Variants in MYRFL observed in about 807,000 individuals in gnomAD.
MYRFL encodes myelin regulatory factor like.
MYRFL carries 88 observed loss-of-function variants against 109.4 expected under a neutral mutation model. That is an observed-to-expected ratio of 0.80 (90% CI 0.68 to 0.96). The LOEUF is 0.96. MYRFL is among the 40% of genes least tolerant of loss of function. MYRFL has a pLI of 0.00. For missense variants in MYRFL, 957 were observed against 954.9 expected, an observed-to-expected ratio of 1.00 and a Z score of -0.03; for synonymous variants, 324 against 320.9, an observed-to-expected ratio of 1.01 and a Z score of -0.10.
At chr12:69,872,681 A>G (rs940143844) in intron 2 of MYRFL, among the ~76,000 whole-genome samples, 1 of 151,668 alleles carries the variant, frequency 6.6e-6, no homozygotes, top group Non-Finnish European at 1.5e-5. Context: ...TTGTATTTTT[A>G]GTAGAGATGG....
intron 7 of MYRFL, among the ~76,000 whole-genome samples, chr12:69,892,855 C>T (rs1592770600): frequency 6.6e-6 from 1 of 152,108 alleles, no homozygotes. Context: ...CCTATTTTTT[C>T]TCTTTTCTTC....
At chr12:69,908,157 T>G (rs1475289236) in intron 11 of MYRFL, among the ~76,000 whole-genome samples, 1 of 152,230 alleles carries the variant, frequency 6.6e-6, no homozygotes, top group Non-Finnish European at 1.5e-5. Flanking sequence ...ATCAATGTAT[T>G]TAACAATTAT....
intron 13 of MYRFL, among the ~76,000 whole-genome samples, chr12:69,922,436 T>A (rs1407378727): frequency 1.3e-5 from 2 of 152,086 alleles, no homozygotes; most frequent in East Asian, 3.9e-4. Flanking sequence ...TTTTGTGATT[T>A]AAAAAAACAC....
intron 11 of MYRFL, among the ~76,000 whole-genome samples, chr12:69,905,178 T>C (rs940850999): frequency 3.9e-5 from 6 of 152,220 alleles, no homozygotes. Context: ...ATCCTTGCAA[T>C]TGGCTATACA....
At chr12:69,924,963 C>CT in intron 13 of MYRFL, among the ~76,000 whole-genome samples, 1 of 152,268 alleles carries the variant, frequency 6.6e-6, no homozygotes, top group South Asian at 2.1e-4. Context: ...AAGGCATGTG[C>CT]TAAATGCTGG....
intron 1 of MYRFL, among the ~76,000 whole-genome samples, chr12:69,832,944 TTGTGTGTGTGTGTGTGTGTGTG>T (rs57702116): frequency 2.1e-5 from 3 of 143,718 alleles, no homozygotes; most frequent in Admixed American, 6.9e-5. Context: ...AGGAACAGGC[TTGTGTGTGTGTGTGTGTGTGTG>T]TGTGTGTGTG....
At chr12:69,875,179 C>T (rs2136330557) in intron 2 of MYRFL, among the ~76,000 whole-genome samples, 1 of 148,600 alleles carries the variant, frequency 6.7e-6, no homozygotes, top group South Asian at 2.1e-4. Context: ...CTCTTTTTCT[C>T]TCTCTTTTTT....
intron 19 of MYRFL, among the ~76,000 whole-genome samples, chr12:69,945,739 G>A (rs1251423091): frequency 6.6e-6 from 1 of 151,892 alleles, no homozygotes; most frequent in Non-Finnish European, 1.5e-5. Context: ...TGTAATCCCA[G>A]CACTTTGGGA....
At chr12:69,936,940 A>AT (rs554027541) in intron 19 of MYRFL, among the ~76,000 whole-genome samples, 298 of 152,268 alleles carry the variant, frequency 2.0e-3, no homozygotes, top group Non-Finnish European at 3.4e-3. Flanking sequence ...ACGTGGGTGG[A>AT]TTTTTTGGGC....
rs7961174 is a variant in MYRFL at position 69,919,260 on chromosome 12, A to C, written c.1603-7311A>C. On this transcript the variant is annotated intron_variant, in intron 13 of 24. Coordinates refer to ENST00000552032, the MANE Select transcript of MYRFL (RefSeq NM_182530.3). Reference sequence around the variant, plus strand: ...TCTTGGTAAGACAAGAAATCATAGAATTACAACAAACTATGGCATTTGCTA... The same window carrying C: ...TCTTGGTAAGACAAGAAATCATAGACTTACAACAAACTATGGCATTTGCTA... Among the ~76,000 whole-genome samples, 1,472 of 152,350 alleles carry C rather than the reference A, an allele frequency of 9.7e-3. 29 individuals are homozygous for C. Among genetic ancestry groups the C allele is most frequent in the African/African-American group, 0.033 (1,390 of 41,586 alleles).
chr12:69,863,527 C>T (rs1197102759), intron 2 of MYRFL, among the ~76,000 whole-genome samples: 1 of 152,140 alleles, frequency 6.6e-6, no homozygotes, highest in Non-Finnish European at 1.5e-5. Context: ...GATATTTTAC[C>T]ACTTCACATG....
chr12:69,857,518 A>G (rs1884371648), intron 2 of MYRFL, among the ~76,000 whole-genome samples: 2 of 151,986 alleles, frequency 1.3e-5, no homozygotes, highest in East Asian at 1.9e-4. Context: ...CTTCCAATCT[A>G]TGAACATGGT....
Position 69,829,957 on chromosome 12 carries a change from C to T in MYRFL, c.46+4394C>T, listed in dbSNP as rs539713088. Among the ~76,000 whole-genome samples, 15 of 151,838 alleles carry T rather than the reference C, an allele frequency of 9.9e-5. No homozygotes were observed. In the South Asian group the frequency reaches 3.1e-3, roughly 32 times the overall value. On this transcript the variant is annotated intron_variant, in intron 1 of 24. Coordinates refer to ENST00000552032, the MANE Select transcript of MYRFL (RefSeq NM_182530.3). ...AGAGTATCTCTGGCCTCAGGCCAGT[C>T]TCTCAATTCTCTGTCTTTGGGGCCA...
In MYRFL at chr12:69,926,680, G is replaced by A. The variant is rs760093484; in HGVS notation, c.1712G>A (p.Arg571Gln). Residue 571 changes from arginine to glutamine, a missense_variant, in exon 14 of 25, where the codon CGG becomes CAG. Transcript: ENST00000552032. ...ELEIWNRKLA[R>Q]LKRLSSWKSS... Reference sequence around the variant, plus strand: ...GAAATATGGAACAGAAAGCTGGCCCGGCTAAAGCGGCTCAGTAGTTGGAAG... The same window carrying A: ...GAAATATGGAACAGAAAGCTGGCCCAGCTAAAGCGGCTCAGTAGTTGGAAG... 155 of 1,521,874 alleles carry A rather than the reference G, an allele frequency of 1.0e-4. No homozygotes were observed. The highest frequency in any genetic ancestry group is 1.3e-4 in the Non-Finnish European group (149 of 1,138,672). 94.3% of individuals were successfully genotyped at this position (1,521,874 alleles called of 1,614,324 possible).
At chr12:69,841,444 G>GA (rs1883237119) in intron 1 of MYRFL, among the ~76,000 whole-genome samples, 1 of 152,194 alleles carries the variant, frequency 6.6e-6, no homozygotes, top group Admixed American at 6.5e-5. Flanking sequence ...AAGCAGCCCT[G>GA]ATTTGTAGCA....
chr12:69,944,647 C>A (rs1413480224), intron 19 of MYRFL, among the ~76,000 whole-genome samples: 2 of 151,084 alleles, frequency 1.3e-5, no homozygotes, highest in African/African-American at 2.4e-5. Flanking sequence ...TACTAACCTG[C>A]ACAATGTGCA....
chr12:69,893,989 A>ATTTTTTT (rs60637559), intron 8 of MYRFL, 149 bp downstream of exon 8: 2 of 113,168 alleles, frequency 1.8e-5, no homozygotes, highest in Admixed American at 1.2e-4. Context: ...AATAATGTTA[A>ATTTTTTT]TTTTTTTTTT....
At chr12:69,885,166 G>A (rs1886371222) in intron 5 of MYRFL, among the ~76,000 whole-genome samples, 1 of 152,128 alleles carries the variant, frequency 6.6e-6, no homozygotes, top group Non-Finnish European at 1.5e-5. Context: ...AGAGCACGAA[G>A]AGCTCCTTGC....
At position 69,958,551 on chromosome 12, in the gene MYRFL, T is replaced by A; in HGVS notation, c.*20T>A. On this transcript the variant is annotated 3_prime_UTR_variant, in exon 25 of 25. Coordinates refer to ENST00000552032, the MANE Select transcript of MYRFL (RefSeq NM_182530.3). ...GCCTAATTTGTTCAAGTTTGGGGAC[T>A]TTACCAAAGAAAAATACTCAGGAAT... is the stretch of plus-strand genomic sequence containing the variant. 6.7e-7 allele frequency: 1 copy of A among 1,490,784 alleles called. No individual in the cohort carries two copies. Among genetic ancestry groups the A allele is most frequent in the Non-Finnish European group, 9.0e-7 (1 of 1,116,514 alleles). 92.3% of individuals were successfully genotyped at this position (1,490,784 alleles called of 1,614,324 possible). A position where few individuals can be genotyped will look rare whatever the true frequency, so the allele number is the denominator to read the frequency against.
Sources: gnomAD v4.1 joint callset for allele counts (sites outside exome capture counted in the v4.1 genomes callset) on GRCh38, gnomAD v4.1.1 for gene constraint, MANE v1.5 for transcripts, NCBI Gene and HGNC (gene_info 2026-07-23, HGNC 2026-07-21) for gene names.